Variants in PAX7 observed in about 807,000 individuals in gnomAD.
PAX7 encodes paired box 7, also known as paired box protein Pax-7.
In PAX7, 18 loss-of-function variants were observed where a neutral mutation model predicts 50.7. The observed-to-expected ratio is 0.36, with a 90% CI of 0.25 to 0.53. The LOEUF (loss-of-function observed/expected upper bound fraction) is 0.53, where lower values mean the gene tolerates loss of function less well. Among genes scored for constraint, PAX7 ranks in the 20% least tolerant of loss-of-function variants. The pLI is 0.93. For synonymous variants in PAX7, 310 were observed against 290.4 expected (o/e 1.07, Z -0.69); for missense variants, 644 against 702.9 (o/e 0.92, Z 0.95).
intron 4 of PAX7, among the ~76,000 whole-genome samples, chr1:18,671,198 G>C (rs149850025): frequency 6.6e-5 from 10 of 152,302 alleles, no homozygotes; most frequent in African/African-American, 2.4e-4. Flanking sequence ...GAGAGGACTA[G>C]AATATTCTGG....
chr1:18,670,276 A>G (rs1486108450), intron 4 of PAX7, among the ~76,000 whole-genome samples: 1 of 152,162 alleles, frequency 6.6e-6, no homozygotes, highest in Non-Finnish European at 1.5e-5. Context: ...CCAGCAAATG[A>G]TCCCAACTAT....
chr1:18,651,748 C>T (rs1000709425), intron 4 of PAX7, among the ~76,000 whole-genome samples: 5 of 151,956 alleles, frequency 3.3e-5, no homozygotes, highest in Non-Finnish European at 5.9e-5. Flanking sequence ...TGTTTGTCCT[C>T]TCAAAGTTCC....
intron 4 of PAX7, among the ~76,000 whole-genome samples, chr1:18,642,607 G>C (rs1485751723): frequency 6.6e-6 from 1 of 152,172 alleles, no homozygotes; most frequent in East Asian, 1.9e-4. Context: ...GCCCCCCTCA[G>C]TTTTTGCTGT....
chr1:18,730,633 G>A (rs2236806), intron 7 of PAX7, among the ~76,000 whole-genome samples: 89,522 of 151,758 alleles, frequency 0.59, 26,901 homozygotes, highest in Middle Eastern at 0.66. Context: ...TGCAGATCTC[G>A]CAGCTCAGCC....
chr1:18,715,378 T>C (rs1216917563), intron 7 of PAX7, among the ~76,000 whole-genome samples: 1 of 152,210 alleles, frequency 6.6e-6, no homozygotes, highest in African/African-American at 2.4e-5. Flanking sequence ...TATTATTAAA[T>C]AGTAATAAGT....
intron 8 of PAX7, among the ~76,000 whole-genome samples, chr1:18,740,362 G>T (rs1557562686): frequency 6.6e-6 from 1 of 152,124 alleles, no homozygotes; most frequent in African/African-American, 2.4e-5. Flanking sequence ...CTGGTCGCTG[G>T]GAGAGGCTGA....
intron 6 of PAX7, 125 bp from the exon 7 acceptor site, chr1:18,702,969 G>GT (rs2089240102): frequency 2.4e-6 from 2 of 845,774 alleles, no homozygotes; most frequent in Middle Eastern, 3.7e-4. Flanking sequence ...GCATGAGAGG[G>GT]TGGTCCCTTC....
At chr1:18,743,211 T>A (rs1489348307) in intron 8 of PAX7, among the ~76,000 whole-genome samples, 1 of 152,220 alleles carries the variant, frequency 6.6e-6, no homozygotes, top group Non-Finnish European at 1.5e-5. Flanking sequence ...GCTGTTACGA[T>A]CCCCATTTTA....
At chr1:18,650,744 G>A (rs769980326) in intron 4 of PAX7, among the ~76,000 whole-genome samples, 4 of 152,290 alleles carry the variant, frequency 2.6e-5, no homozygotes, top group Admixed American at 2.6e-4. Context: ...CATAGCAAAC[G>A]GAGAGGAGTC....
intron 8 of PAX7, 155 bp downstream of exon 8, chr1:18,736,033 C>CA: frequency 6.6e-7 from 1 of 1,521,618 alleles, no homozygotes; most frequent in African/African-American, 1.4e-5. Flanking sequence ...TGGAACAGTT[C>CA]ACCTAAAATG....
chr1:18,724,369 T>C (rs760799214), intron 7 of PAX7, among the ~76,000 whole-genome samples: 14 of 152,184 alleles, frequency 9.2e-5, no homozygotes, highest in Non-Finnish European at 1.6e-4. Context: ...AGAGGTGAGA[T>C]GTACACAGCC....
At chr1:18,684,166 A>T (rs1027031780) in intron 4 of PAX7, among the ~76,000 whole-genome samples, 1 of 152,168 alleles carries the variant, frequency 6.6e-6, no homozygotes, top group Non-Finnish European at 1.5e-5. Context: ...CTGGGGAAGA[A>T]GGTGGTGGCT....
intron 7 of PAX7, among the ~76,000 whole-genome samples, chr1:18,705,026 T>C (rs2089266161): frequency 6.6e-6 from 1 of 152,132 alleles, no homozygotes; most frequent in African/African-American, 2.4e-5. Flanking sequence ...CCTGCGGAGC[T>C]CCTAATGGTG....
At chr1:18,635,493 A>AGAAGGAAGGAAGGAAGGTAGGAAGGAAG (rs371442144) in intron 3 of PAX7, among the ~76,000 whole-genome samples, 2 of 68,792 alleles carry the variant, frequency 2.9e-5, no homozygotes, top group African/African-American at 1.5e-4. Context: ...AAAGGGAGGA[A>AGAAGGAAGGAAGGAAGGTAGGAAGGAAG]GAAGGAAGGA....
chr1:18,671,570 G>A (rs2088750166), intron 4 of PAX7, among the ~76,000 whole-genome samples: 1 of 152,048 alleles, frequency 6.6e-6, no homozygotes, highest in Non-Finnish European at 1.5e-5. Context: ...ACCTTGGAGA[G>A]ACATATTCCC....
In PAX7 at chr1:18,717,242, C is replaced by G. The variant is rs528573390; in HGVS notation, c.1155+13946C>G. Among the ~76,000 whole-genome samples the G allele has an allele frequency of 6.3e-3, 959 of 152,294 alleles. 12 individuals carry two copies. Among genetic ancestry groups the G allele is most frequent in the African/African-American group, 0.019 (793 of 41,564 alleles). ...GAGCAGCCGCGCGCCTGGCCGCCCC[C>G]CGGACTGCGGAGCCGCCGCTCGCTC... On this transcript the variant is annotated intron_variant, in intron 7 of 8. Coordinates refer to ENST00000420770, the MANE Select transcript of PAX7 (RefSeq NM_001135254.2).
At chr1:18,648,629 C>T (rs966746652) in intron 4 of PAX7, among the ~76,000 whole-genome samples, 3 of 152,108 alleles carry the variant, frequency 2.0e-5, no homozygotes, top group South Asian at 2.1e-4. Flanking sequence ...AGTGATGAGC[C>T]GCCATGCCCA....
intron 4 of PAX7, among the ~76,000 whole-genome samples, chr1:18,650,952 G>A (rs1180174865): frequency 6.6e-6 from 1 of 152,106 alleles, no homozygotes; most frequent in Non-Finnish European, 1.5e-5. Flanking sequence ...ACTCCTGCTT[G>A]TGCCATGGAT....
rs889998022 is a variant in PAX7, at chr1:18,634,174, C to A, written c.86-129C>A. The A allele has an allele frequency of 1.1e-4, 73 of 672,206 alleles. No individual in the cohort carries two copies. The highest frequency in any genetic ancestry group is 1.8e-4 in the Non-Finnish European group (70 of 388,552). The allele number at this position is 672,206 out of a possible 1,614,324, so 41.6% of individuals were successfully genotyped here. A position where few individuals can be genotyped will look rare whatever the true frequency, so the allele number is the denominator to read the frequency against. ...ACCTACCGAAGCCCCAGTGTGAGGACCACCGGGATTGCTGTCTGAGGTCTT... is the reference window on the plus strand; with the variant it reads ...ACCTACCGAAGCCCCAGTGTGAGGAACACCGGGATTGCTGTCTGAGGTCTT... On this transcript the variant is annotated intron_variant, in intron 1 of 8. Coordinates refer to ENST00000420770, the MANE Select transcript of PAX7 (RefSeq NM_001135254.2). This position sits in a 1 kb window ranked among gnomAD's most constrained non-coding sequence, Gnocchi z 4.0.
Sources: gnomAD v4.1 joint callset for allele counts (sites outside exome capture counted in the v4.1 genomes callset) on GRCh38, gnomAD v4.1.1 for gene constraint, Gnocchi (gnomAD v3.1) non-coding constraint, MANE v1.5 for transcripts, NCBI Gene and HGNC (gene_info 2026-07-23, HGNC 2026-07-21) for gene names.